NOS1: variants seen among roughly 807,000 people sequenced by gnomAD.
The protein encoded by NOS1 is NOS type I.
A neutral mutation model predicts 164.5 loss-of-function variants in NOS1; 51 were observed. The ratio of observed to expected loss-of-function variants is 0.31; its 90% CI spans 0.25 to 0.39. The LOEUF is 0.39. NOS1 is among the 10% of genes least tolerant of loss of function. The pLI is 1.00. For missense variants in NOS1, 1,362 were observed against 1,885.6 expected, an observed-to-expected ratio of 0.72 and a Z score of 5.14; for synonymous variants, 719 against 745.8, an observed-to-expected ratio of 0.96 and a Z score of 0.59.
intron 20 of NOS1, among the ~76,000 whole-genome samples, chr12:117,235,443 C>T (rs1392019455): frequency 6.6e-6 from 1 of 152,176 alleles, no homozygotes; most frequent in Non-Finnish European, 1.5e-5. Context: ...GTGGCATCCC[C>T]AATCTGTGAA....
chr12:117,212,773 G>A lies in NOS1; in HGVS notation c.*2536C>T. 2 of 985,454 alleles carry A rather than the reference G, an allele frequency of 2.0e-6. No homozygotes were observed. The highest frequency in any genetic ancestry group is 4.7e-5 in the South Asian group (1 of 21,282). The allele number at this position is 985,454 out of a possible 1,614,324, so 61.0% of individuals were successfully genotyped here. On this transcript the variant is annotated 3_prime_UTR_variant, in exon 29 of 29. Coordinates refer to ENST00000317775, the MANE Select transcript of NOS1 (RefSeq NM_000620.5). The stretch of plus-strand genomic sequence containing the variant: ...CTGGATGAAAAGCCACCACGAGAGG[G>A]CAGTATTTCCCCACCCTTGATCTGA...
intron 1 of NOS1, among the ~76,000 whole-genome samples, chr12:117,342,670 G>T (rs1459210460): frequency 6.6e-6 from 1 of 152,104 alleles, no homozygotes; most frequent in Non-Finnish European, 1.5e-5. Flanking sequence ...TAGAGCGATG[G>T]CAAGCATTGG....
chr12:117,305,372 A>G (rs488484), intron 3 of NOS1, among the ~76,000 whole-genome samples: 129,290 of 151,808 alleles, frequency 0.85, 55,332 homozygotes, highest in African/African-American at 0.94. Flanking sequence ...GCTGAGGCAG[A>G]AGAATGGCGT....
At chr12:117,305,101 AT>A (rs1299838979) in intron 3 of NOS1, 1 of 983,250 alleles carries the variant, frequency 1.0e-6, no homozygotes, top group African/African-American at 1.7e-5. Context: ...TCTTTGTGAC[AT>A]TAACAATGCT....
At chr12:117,298,649 A>C (rs1233930957) in intron 3 of NOS1, among the ~76,000 whole-genome samples, 1 of 152,188 alleles carries the variant, frequency 6.6e-6, no homozygotes, top group Non-Finnish European at 1.5e-5. Flanking sequence ...AGAAAAGAGA[A>C]ATTTGAAGGC....
At position 117,225,252 on chromosome 12, in the gene NOS1, C is replaced by T. The variant is rs964973103; in HGVS notation, c.3705-115G>A. ...GGTAGACATACAATGAGACTTAAGG[C>T]TCTTCAGCCGGGGCCAGGTGCCCCT... On this transcript the variant is annotated intron_variant, in intron 24 of 28. Coordinates refer to ENST00000317775, the MANE Select transcript of NOS1 (RefSeq NM_000620.5). 2.2e-6 allele frequency: 3 copies of T among 1,382,002 alleles called. No homozygotes were observed. The Admixed American group carries it at 7.4e-5, about 34-fold the overall frequency. 85.6% of individuals were successfully genotyped at this position (1,382,002 alleles called of 1,614,324 possible).
chr12:117,325,689 C>A (rs1875210810), intron 2 of NOS1, among the ~76,000 whole-genome samples: 1 of 152,084 alleles, frequency 6.6e-6, no homozygotes. Context: ...ATTGATTTAC[C>A]CATCGTTTTA....
At chr12:117,271,356 C>T (rs1053718569) in intron 10 of NOS1, among the ~76,000 whole-genome samples, 10 of 151,964 alleles carry the variant, frequency 6.6e-5, no homozygotes, top group African/African-American at 1.7e-4. Flanking sequence ...CGGCTCACTG[C>T]GACCTCTGCC....
intron 7 of NOS1, among the ~76,000 whole-genome samples, chr12:117,283,522 G>A (rs988147657): frequency 2.0e-5 from 3 of 152,102 alleles, no homozygotes; most frequent in Admixed American, 6.6e-5. Flanking sequence ...CTGGGACTGG[G>A]GTGACCCATA....
rs35267348 is a variant in NOS1 at position 117,216,184 on chromosome 12, A to ATT, written c.4290-862_4290-861dup. On this transcript the variant is annotated intron_variant, in intron 28 of 28. Coordinates refer to ENST00000317775, the MANE Select transcript of NOS1 (RefSeq NM_000620.5). ...TGAGCCACTGGGCCCGTCAAAAGGGATTTTTTTTTTTTTTTTGAGACGGAG... is the reference window on the plus strand; with the variant it reads ...TGAGCCACTGGGCCCGTCAAAAGGGATTTTTTTTTTTTTTTTTTGAGACGGAG... Among the ~76,000 whole-genome samples the ATT allele has an allele frequency of 2.4e-3, 298 of 125,700 alleles. 2 individuals are homozygous for ATT. The highest frequency in any genetic ancestry group is 5.8e-3 in the South Asian group (22 of 3,778). 82.5% of individuals were successfully genotyped at this position (125,700 alleles called of 152,430 possible).
In NOS1 at chr12:117,243,381, T is replaced by G. The variant is rs1445860939; in HGVS notation, c.2878A>C (p.Asn960His). ...GDDVNIEKAN[N>H]SLISNDRSWK... ...CTGCGATCATTGCTGATGAGGGAAT[T>G]GTTGGCCTTTTCAATGTTGACATCA... The change falls in exon 19 of 29, where the codon AAT becomes CAT. Residue 960 changes from asparagine (N) to histidine (H), a missense_variant. Physicochemically the swap from Asn to His is moderately conservative, Grantham distance 68. Transcript: ENST00000317775. The surrounding 1 kb of genome is among the most constrained non-coding windows in gnomAD (Gnocchi z 4.3). The G allele has an allele frequency of 6.2e-7, 1 of 1,614,104 alleles. No individual in the cohort carries two copies. Among genetic ancestry groups the G allele is most frequent in the Non-Finnish European group, 8.5e-7 (1 of 1,180,030 alleles).
chr12:117,327,432 T>C (rs1048696121), intron 2 of NOS1, among the ~76,000 whole-genome samples: 3 of 152,170 alleles, frequency 2.0e-5, no homozygotes, highest in African/African-American at 7.2e-5. Context: ...GCTGGACTAC[T>C]GGGAGACACA....
At chr12:117,302,639 A>C (rs1186276968) in intron 3 of NOS1, among the ~76,000 whole-genome samples, 2 of 150,964 alleles carry the variant, frequency 1.3e-5, no homozygotes, top group South Asian at 4.2e-4. Flanking sequence ...GACCAAGGTC[A>C]CCAGCTTGGC....
rs374009865 is a variant in NOS1 at position 117,278,149 on chromosome 12, C to T, written c.1525-51G>A. Reference sequence around the variant, plus strand: ...GCCACTGTACCCCACACCCTACAAACACAACCCTTATGTGGGAAGCGGGGG... The same window carrying T: ...GCCACTGTACCCCACACCCTACAAATACAACCCTTATGTGGGAAGCGGGGG... On this transcript the variant is annotated intron_variant, in intron 8 of 28. Transcript: ENST00000317775. 21 of 1,557,754 alleles carry T rather than the reference C, an allele frequency of 1.3e-5. No individual in the cohort carries two copies. The African/African-American group carries it at 1.4e-4, about 10-fold the overall frequency.
intron 14 of NOS1, 113 bp from the exon 15 acceptor site, chr12:117,259,243 A>T (rs970298462): frequency 2.9e-6 from 2 of 681,570 alleles, no homozygotes; most frequent in Admixed American, 5.2e-5. Context: ...GAGAAAGGAA[A>T]AATGTGAGTC....
In NOS1 at chr12:117,347,061, T is replaced by C. The variant is rs573030239; in HGVS notation, c.-421+14451A>G. 8.3e-4 allele frequency among the ~76,000 whole-genome samples: 126 copies of C among 151,938 alleles called. 1 individual carries two copies. Among genetic ancestry groups the C allele is most frequent in the Middle Eastern group, 6.9e-3 (2 of 290 alleles). On this transcript the variant is annotated intron_variant, in intron 1 of 28. Coordinates refer to ENST00000317775, the MANE Select transcript of NOS1 (RefSeq NM_000620.5). Reference sequence around the variant, plus strand: ...CAGCACTTTGGGAGGCCAAGGAAGGTGGATCACTTGAGGTCAGAAGTTGAA... The same window carrying C: ...CAGCACTTTGGGAGGCCAAGGAAGGCGGATCACTTGAGGTCAGAAGTTGAA...
intron 1 of NOS1, among the ~76,000 whole-genome samples, chr12:117,350,156 C>G (rs987975684): frequency 6.6e-6 from 1 of 152,102 alleles, no homozygotes; most frequent in African/African-American, 2.4e-5. Flanking sequence ...CCTTGGAAGT[C>G]AGCAGTAAAA....
rs780760824 is a variant in NOS1, at chr12:117,330,303, C to CACAT, written c.725+41_725+42insATGT. The CACAT allele has an allele frequency of 1.5e-5, 20 of 1,371,296 alleles. No individual in the cohort carries two copies. The highest frequency in any genetic ancestry group is 1.9e-5 in the Non-Finnish European group (19 of 999,540). The allele number at this position is 1,371,296 out of a possible 1,614,324, so 84.9% of individuals were successfully genotyped here. A position where few individuals can be genotyped will look rare whatever the true frequency, so the allele number is the denominator to read the frequency against. On this transcript the variant is annotated intron_variant, in intron 2 of 28. Coordinates refer to ENST00000317775, the MANE Select transcript of NOS1 (RefSeq NM_000620.5). This position sits in a 1 kb window ranked among gnomAD's most constrained non-coding sequence, Gnocchi z 4.6. The stretch of plus-strand genomic sequence containing the variant: ...GCACATGCACACACACAAGCATGCA[C>CACAT]ACACACACACACACACACACACACA...
intron 11 of NOS1, 59 bp from the exon 12 acceptor site, chr12:117,265,569 T>C: frequency 7.7e-7 from 1 of 1,294,166 alleles, no homozygotes; most frequent in Non-Finnish European, 1.0e-6. Context: ...ATTTTGGGAC[T>C]CCCTGCCCCA....
Sources: allele counts gnomAD v4.1 joint callset (sites outside exome capture counted in the v4.1 genomes callset), GRCh38; gene constraint gnomAD v4.1.1; non-coding constraint Gnocchi (gnomAD v3.1); transcripts MANE v1.5; gene names NCBI Gene and HGNC (gene_info 2026-07-23, HGNC 2026-07-21).